PDIA3: variants seen among roughly 807,000 people sequenced by gnomAD.
PDIA3 encodes protein disulfide isomerase family A member 3.
Under a neutral mutation model 56.9 loss-of-function variants are expected in PDIA3, and 16 were observed. The ratio of observed to expected loss-of-function variants is 0.28; its 90% CI spans 0.19 to 0.43. PDIA3 has a LOEUF of 0.43. Ranked by LOEUF, PDIA3 falls within the 20% of genes least tolerant of loss-of-function variation. The pLI is 1.00. For missense variants in PDIA3, 485 were observed against 621.3 expected (o/e 0.78, Z 2.33); for synonymous variants, 192 against 216.5 (o/e 0.89, Z 0.99).
intron 5 of PDIA3, among the ~76,000 whole-genome samples, chr15:43,764,324 A>T (rs2086835115): frequency 6.6e-6 from 1 of 152,214 alleles, no homozygotes; most frequent in South Asian, 2.1e-4. Flanking sequence ...GACTATAAGG[A>T]GAATCTAAAC....
chr15:43,761,662 T>C (rs1440811823), intron 4 of PDIA3, 131 bp downstream of exon 4: 3 of 583,534 alleles, frequency 5.1e-6, no homozygotes, highest in African/African-American at 1.9e-5. Flanking sequence ...ACTGACAGAA[T>C]TGGGTCAGCA....
intron 1 of PDIA3, among the ~76,000 whole-genome samples, chr15:43,747,976 C>A (rs1399717026): frequency 6.6e-6 from 1 of 152,148 alleles, no homozygotes; most frequent in African/African-American, 2.4e-5. Flanking sequence ...TCTTATACAT[C>A]TCTGGAACTC....
chr15:43,754,071 C>G (rs1270415809), intron 2 of PDIA3, among the ~76,000 whole-genome samples, 169 bp downstream of exon 2: 1 of 152,160 alleles, frequency 6.6e-6, no homozygotes, highest in African/African-American at 2.4e-5. Context: ...AGTTTCTGGG[C>G]AAATACACAA....
At chr15:43,746,926 A>G in intron 1 of PDIA3, 2 of 577,594 alleles carry the variant, frequency 3.5e-6, no homozygotes, top group East Asian at 5.9e-5. Context: ...GCGCTCACGC[A>G]GGGCCTCATC....
intron 2 of PDIA3, 74 bp downstream of exon 2, chr15:43,753,976 C>T: frequency 2.0e-6 from 2 of 992,860 alleles, no homozygotes; most frequent in East Asian, 2.4e-5. Context: ...AGCTTTGTTA[C>T]ATGGAAAAAA....
chr15:43,756,336 C>T (rs1416288539), intron 2 of PDIA3, among the ~76,000 whole-genome samples: 1 of 152,098 alleles, frequency 6.6e-6, no homozygotes, highest in Non-Finnish European at 1.5e-5. Context: ...GTGATTTATC[C>T]CTCATGTGTT....
chr15:43,762,822 T>G (rs547624565), intron 4 of PDIA3, among the ~76,000 whole-genome samples: 89 of 152,130 alleles, frequency 5.9e-4, no homozygotes, highest in Non-Finnish European at 1.0e-3. Context: ...TTTGTTCAAT[T>G]ATGGGAAAGT....
chr15:43,768,697 C>G, intron 9 of PDIA3, 100 bp downstream of exon 9: 8 of 579,946 alleles, frequency 1.4e-5, no homozygotes, highest in Non-Finnish European at 2.3e-5. Flanking sequence ...TTGGCCATCT[C>G]TTTTTTTTTT....
intron 7 of PDIA3, 48 bp from the exon 8 acceptor site, chr15:43,766,680 T>G (rs2086849105): frequency 2.0e-6 from 3 of 1,516,618 alleles, no homozygotes; most frequent in African/African-American, 2.8e-5. Flanking sequence ...TCAAAAGTGC[T>G]TGACCACCCT....
intron 12 of PDIA3, among the ~76,000 whole-genome samples, 170 bp from the exon 13 acceptor site, chr15:43,770,935 C>T (rs2086877921): frequency 6.6e-6 from 1 of 152,194 alleles, no homozygotes; most frequent in Non-Finnish European, 1.5e-5. Context: ...AGGCGTGAGC[C>T]ACCGTGCTAG....
rs747839953 is a variant in PDIA3 at position 43,746,656 on chromosome 15, C to T, written c.117C>T (p.Ile39=). The part of the protein sequence containing the change: ...ELTDDNFESR[I]SDTGSAGLML... ...CGGACGACAACTTCGAGAGTCGCAT[C>T]TCCGACACGGGCTCTGCGGGCCTCA... is the stretch of plus-strand genomic sequence containing the variant. The change falls in exon 1 of 13, where the codon ATC becomes ATT. Residue 39 remains isoleucine, a synonymous_variant. Coordinates refer to ENST00000300289, the MANE Select transcript of PDIA3 (RefSeq NM_005313.5). The T allele has an allele frequency of 3.7e-6, 6 of 1,612,866 alleles. No homozygotes were observed. The African/African-American group carries it at 4.0e-5, about 11-fold the overall frequency.
chr15:43,763,204 A>G lies in PDIA3; in HGVS notation c.600A>G (p.Gly200=). The change falls in exon 5 of 13, where the codon GGA becomes GGG. Residue 200 remains glycine (G), a splice_region_variant and synonymous_variant. Transcript: ENST00000300289. ...TGGTGAACGAGTATGATGATAATGG[A>G]GAGTAAGTGACTGAGTTGAATCTCC... ...ESLVNEYDDN[G]EGIILFRPSH... 1 of 1,613,472 alleles carries G rather than the reference A, an allele frequency of 6.2e-7. No homozygotes were observed. Among genetic ancestry groups the G allele is most frequent in the Admixed American group, 1.7e-5 (1 of 59,970 alleles).
At chr15:43,762,838 G>A (rs945300797) in intron 4 of PDIA3, among the ~76,000 whole-genome samples, 5 of 152,144 alleles carry the variant, frequency 3.3e-5, no homozygotes, top group Non-Finnish European at 2.9e-5. Flanking sequence ...AAAGTAAAAT[G>A]AAGACTTGAA....
intron 8 of PDIA3, among the ~76,000 whole-genome samples, chr15:43,768,024 C>T (rs540941987): frequency 6.6e-6 from 1 of 152,226 alleles, no homozygotes; most frequent in African/African-American, 2.4e-5. Context: ...AACCATTCCC[C>T]CCCCTCATCC....
At chr15:43,762,005 C>T (rs927447332) in intron 4 of PDIA3, among the ~76,000 whole-genome samples, 2 of 152,082 alleles carry the variant, frequency 1.3e-5, no homozygotes, top group African/African-American at 4.8e-5. Context: ...AAAATCAGAT[C>T]GCTAGGATTT....
intron 4 of PDIA3, 146 bp from the exon 5 acceptor site, chr15:43,762,931 C>G: frequency 1.5e-6 from 1 of 648,274 alleles, no homozygotes; most frequent in East Asian, 2.9e-5. Flanking sequence ...AAATATTGTG[C>G]CTGTCTGAGG....
At chr15:43,751,513 T>G in intron 1 of PDIA3, 1 of 978,514 alleles carries the variant, frequency 1.0e-6, no homozygotes, top group Non-Finnish European at 1.4e-6. Context: ...TAGGGGTGGG[T>G]GAAAGAAGTA....
chr15:43,749,382 C>T (rs1386149472), intron 1 of PDIA3, among the ~76,000 whole-genome samples: 1 of 152,196 alleles, frequency 6.6e-6, no homozygotes, highest in Admixed American at 6.5e-5. Context: ...CGCCACCTAG[C>T]CTGGCCTCTG....
intron 1 of PDIA3, among the ~76,000 whole-genome samples, chr15:43,747,318 T>G (rs1171225018): frequency 6.6e-6 from 1 of 152,058 alleles, no homozygotes; most frequent in Non-Finnish European, 1.5e-5. Context: ...ACGAAAGGAG[T>G]ACGTGAACAA....
Sources: gnomAD v4.1 joint callset for allele counts (sites outside exome capture counted in the v4.1 genomes callset) on GRCh38, gnomAD v4.1.1 for gene constraint, MANE v1.5 for transcripts, NCBI Gene and HGNC (gene_info 2026-07-23, HGNC 2026-07-21) for gene names.